Variants in DNM3 observed in about 807,000 individuals in gnomAD.
DNM3 encodes dynamin 3.
A neutral mutation model predicts 101.6 loss-of-function variants in DNM3; 47 were observed. The ratio of observed to expected loss-of-function variants is 0.46; its 90% CI spans 0.37 to 0.59. The LOEUF (loss-of-function observed/expected upper bound fraction) is 0.59. Ranked by LOEUF, DNM3 falls within the 20% of genes least tolerant of loss-of-function variation. The pLI is 0.00. For missense variants in DNM3, 849 were observed against 1,085.7 expected (o/e 0.78, Z 3.06); for synonymous variants, 385 against 387.9 (o/e 0.99, Z 0.09).
At chr1:171,942,468 G>C (rs1224516813) in intron 2 of DNM3, among the ~76,000 whole-genome samples, 1 of 152,110 alleles carries the variant, frequency 6.6e-6, no homozygotes. Flanking sequence ...AACGTAAGTG[G>C]TACACCAGTG....
At chr1:171,849,085 T>C (rs2032588848) in intron 1 of DNM3, among the ~76,000 whole-genome samples, 1 of 152,242 alleles carries the variant, frequency 6.6e-6, no homozygotes, top group Non-Finnish European at 1.5e-5. Flanking sequence ...CCTCATTGTT[T>C]ATCCTTCCAG....
intron 10 of DNM3, among the ~76,000 whole-genome samples, chr1:172,055,148 TG>T (rs2050504006): frequency 6.6e-6 from 1 of 152,128 alleles, no homozygotes; most frequent in African/African-American, 2.4e-5. Flanking sequence ...TCTTGCCCCC[TG>T]CTTTTCATCT....
intron 1 of DNM3, among the ~76,000 whole-genome samples, chr1:171,918,481 C>T (rs1334435623): frequency 6.6e-6 from 1 of 152,188 alleles, no homozygotes; most frequent in Non-Finnish European, 1.5e-5. Flanking sequence ...CAGAAGGAGA[C>T]ATATCTTTAG....
chr1:172,161,632 G>A (rs1454605579), intron 14 of DNM3, among the ~76,000 whole-genome samples: 2 of 151,976 alleles, frequency 1.3e-5, no homozygotes, highest in Non-Finnish European at 2.9e-5. Flanking sequence ...ACTGCAATCT[G>A]GTAATGTAAT....
At chr1:172,054,728 G>A (rs1480393190) in intron 10 of DNM3, among the ~76,000 whole-genome samples, 1 of 152,162 alleles carries the variant, frequency 6.6e-6, no homozygotes, top group Non-Finnish European at 1.5e-5. Context: ...GGAGGCCGAG[G>A]CGGATGGATC....
At chr1:172,191,091 C>T (rs1230233008) in intron 14 of DNM3, among the ~76,000 whole-genome samples, 1 of 152,056 alleles carries the variant, frequency 6.6e-6, no homozygotes, top group Non-Finnish European at 1.5e-5. Context: ...AGTCCTTGCC[C>T]ATGCCTATGT....
chr1:172,019,470 G>A (rs955209800), intron 4 of DNM3, among the ~76,000 whole-genome samples: 4 of 151,214 alleles, frequency 2.6e-5, no homozygotes, highest in Non-Finnish European at 2.9e-5. Context: ...CTTTTGGGGG[G>A]CATTTATCCC....
intron 17 of DNM3, among the ~76,000 whole-genome samples, chr1:172,344,353 C>T (rs970686794): frequency 5.3e-5 from 8 of 152,142 alleles, no homozygotes; most frequent in African/African-American, 1.7e-4. Flanking sequence ...AAGGTATTGT[C>T]TTCTATTCTC....
intron 14 of DNM3, among the ~76,000 whole-genome samples, chr1:172,241,903 A>G (rs1391801606): frequency 1.3e-5 from 2 of 152,192 alleles, no homozygotes; most frequent in Non-Finnish European, 1.5e-5. Flanking sequence ...GAAGGGTGAG[A>G]GGATTTTGAA....
intron 2 of DNM3, among the ~76,000 whole-genome samples, chr1:171,950,446 G>A (rs894688318): frequency 6.6e-6 from 1 of 152,102 alleles, no homozygotes; most frequent in African/African-American, 2.4e-5. Flanking sequence ...AGATGATTTT[G>A]CCCAATTGTG....
chr1:172,017,896 T>C (rs1024695265), intron 4 of DNM3, among the ~76,000 whole-genome samples: 1 of 152,202 alleles, frequency 6.6e-6, no homozygotes, highest in African/African-American at 2.4e-5. Flanking sequence ...GATTCATACA[T>C]GTTAAGAATT....
chr1:172,074,880 G>A (rs148944039), intron 11 of DNM3, among the ~76,000 whole-genome samples: 55 of 152,294 alleles, frequency 3.6e-4, no homozygotes, highest in Admixed American at 7.8e-4. Flanking sequence ...AGGTCATTGA[G>A]GAATTGCCAC....
At chr1:172,266,856 G>A (rs555819664) in intron 15 of DNM3, among the ~76,000 whole-genome samples, 2 of 152,192 alleles carry the variant, frequency 1.3e-5, no homozygotes, top group East Asian at 3.9e-4. Context: ...TTGACCTAGA[G>A]TTCATTGTAC....
intron 1 of DNM3, among the ~76,000 whole-genome samples, chr1:171,881,466 G>A (rs2036261541): frequency 6.6e-6 from 1 of 152,080 alleles, no homozygotes; most frequent in South Asian, 2.1e-4. Flanking sequence ...CTAAGCAGAG[G>A]GCCTAAAGGG....
At chr1:172,036,710 A>T (rs2048992751) in intron 6 of DNM3, among the ~76,000 whole-genome samples, 1 of 152,158 alleles carries the variant, frequency 6.6e-6, no homozygotes, top group East Asian at 1.9e-4. Context: ...AAACCTAGAC[A>T]TTACCATTCA....
intron 2 of DNM3, among the ~76,000 whole-genome samples, chr1:171,956,320 A>G (rs2042854793): frequency 6.6e-6 from 1 of 152,128 alleles, no homozygotes; most frequent in Non-Finnish European, 1.5e-5. Context: ...GGATAAATAC[A>G]CCCATTCCAA....
At chr1:172,316,998 TC>T in intron 16 of DNM3, among the ~76,000 whole-genome samples, 1 of 152,006 alleles carries the variant, frequency 6.6e-6, no homozygotes, top group African/African-American at 2.4e-5. Context: ...AGTAAAGCTC[TC>T]CTCAGCAAAT....
intron 2 of DNM3, among the ~76,000 whole-genome samples, chr1:171,944,463 C>T (rs1175127381): frequency 6.6e-6 from 1 of 151,746 alleles, no homozygotes; most frequent in East Asian, 1.9e-4. Flanking sequence ...GCAACCTCTG[C>T]TTCCCAGGCT....
chr1:172,259,585 T>C (rs1284282586), intron 15 of DNM3, among the ~76,000 whole-genome samples: 1 of 152,140 alleles, frequency 6.6e-6, no homozygotes, highest in East Asian at 1.9e-4. Context: ...TTGAGCACCA[T>C]TTACATGGAA....
Sources: gnomAD v4.1 joint callset for allele counts (sites outside exome capture counted in the v4.1 genomes callset) on GRCh38, gnomAD v4.1.1 for gene constraint, MANE v1.5 for transcripts, NCBI Gene and HGNC (gene_info 2026-07-23, HGNC 2026-07-21) for gene names.